IGF2BP3: variants seen among roughly 807,000 people sequenced by gnomAD.
The protein encoded by IGF2BP3 is insulin-like growth factor 2 mRNA-binding protein 3.
A neutral mutation model predicts 73.8 loss-of-function variants in IGF2BP3; 9 were observed. That is an observed-to-expected ratio of 0.12 (90% CI 0.07 to 0.21). IGF2BP3 has a LOEUF of 0.21. Ranked by LOEUF, IGF2BP3 falls within the 10% of genes least tolerant of loss-of-function variation. The pLI, the probability that IGF2BP3 is intolerant of heterozygous loss-of-function variation, is 1.00. For synonymous variants in IGF2BP3, 258 were observed against 256.7 expected, an observed-to-expected ratio of 1.01 and a Z score of -0.05; for missense variants, 542 against 714.0, an observed-to-expected ratio of 0.76 and a Z score of 2.75.
intron 11 of IGF2BP3, 52 bp from the exon 12 acceptor site, chr7:23,317,765 C>T (rs1226138060): frequency 7.1e-7 from 1 of 1,412,458 alleles, no homozygotes; most frequent in Admixed American, 1.7e-5. Context: ...CACTGATAGG[C>T]ATCTTGGGCC....
At chr7:23,415,203 A>G in intron 3 of IGF2BP3, 1 of 234,594 alleles carries the variant, frequency 4.3e-6, no homozygotes, top group Non-Finnish European at 8.5e-6. Context: ...CTGCAACACC[A>G]GGTCCCGTCC....
intron 2 of IGF2BP3, among the ~76,000 whole-genome samples, chr7:23,450,363 A>C (rs1030141476): frequency 6.6e-6 from 1 of 152,228 alleles, no homozygotes; most frequent in African/African-American, 2.4e-5. Flanking sequence ...AAACTTGAGT[A>C]TCTGGCAGAT....
chr7:23,313,997 C>T (rs1777627371), intron 12 of IGF2BP3, among the ~76,000 whole-genome samples: 1 of 152,146 alleles, frequency 6.6e-6, no homozygotes, highest in African/African-American at 2.4e-5. Context: ...ACTTCTCATG[C>T]TGGCCATGAG....
At position 23,342,064 on chromosome 7, in the gene IGF2BP3, C is replaced by T; in HGVS notation, c.1203G>A (p.Glu401=). 6.4e-7 allele frequency: 1 copy of T among 1,568,560 alleles called. No individual in the cohort carries two copies. The highest frequency in any genetic ancestry group is 8.6e-7 in the Non-Finnish European group (1 of 1,164,196). ...AGAAAGCCAAGGCCAGTTATCTTACCTCAAACTGCGGGTAGGGAGGAGTCA... is the reference window on the plus strand; with the variant it reads ...AGAAAGCCAAGGCCAGTTATCTTACTTCAAACTGCGGGTAGGGAGGAGTCA... ...SAMTPPYPQF[E]QSETETVHLF... The change falls in exon 10 of 15, where the codon GAG becomes GAA. Residue 401 remains glutamate (E), a splice_region_variant and synonymous_variant. Transcript: ENST00000258729.
At chr7:23,449,947 G>A (rs1013189048) in intron 2 of IGF2BP3, among the ~76,000 whole-genome samples, 3 of 152,094 alleles carry the variant, frequency 2.0e-5, no homozygotes, top group East Asian at 3.9e-4. Context: ...CACACTTTCA[G>A]GAGGTCCAAG....
chr7:23,411,984 C>CTTTTTT (rs767524257), intron 3 of IGF2BP3, among the ~76,000 whole-genome samples: 18 of 104,828 alleles, frequency 1.7e-4, no homozygotes, highest in Non-Finnish European at 2.6e-4. Flanking sequence ...ACTTATTTCT[C>CTTTTTT]TTTTTTTTTT....
intron 10 of IGF2BP3, among the ~76,000 whole-genome samples, chr7:23,321,821 C>T (rs796815161): frequency 1.3e-5 from 2 of 152,190 alleles, no homozygotes; most frequent in South Asian, 4.1e-4. Flanking sequence ...ACACTGACAC[C>T]TCACAGGGCC....
chr7:23,452,153 C>T (rs55688644), intron 2 of IGF2BP3, among the ~76,000 whole-genome samples: 8 of 151,782 alleles, frequency 5.3e-5, no homozygotes, highest in African/African-American at 1.7e-4. Context: ...TACAGGCGCC[C>T]GCCACCACGC....
At chr7:23,453,763 T>A (rs544217642) in intron 2 of IGF2BP3, among the ~76,000 whole-genome samples, 13 of 152,328 alleles carry the variant, frequency 8.5e-5, no homozygotes, top group Middle Eastern at 3.4e-3. Context: ...ATCTTATTCA[T>A]TTTTCTCCAA....
intron 2 of IGF2BP3, among the ~76,000 whole-genome samples, chr7:23,454,629 C>A (rs192831848): frequency 3.3e-5 from 5 of 152,334 alleles, no homozygotes; most frequent in Admixed American, 3.3e-4. Context: ...AAACAGAAAT[C>A]TCAGAGTTTA....
chr7:23,464,101 C>T (rs1352581120), intron 2 of IGF2BP3, among the ~76,000 whole-genome samples: 2 of 152,204 alleles, frequency 1.3e-5, no homozygotes, highest in Non-Finnish European at 2.9e-5. Flanking sequence ...CTTTTGCTGT[C>T]CTAAGACTTT....
At chr7:23,320,940 T>A in intron 10 of IGF2BP3, among the ~76,000 whole-genome samples, 1 of 114,242 alleles carries the variant, frequency 8.8e-6, no homozygotes. Flanking sequence ...AGAGTGAAAC[T>A]CTGTCTCAAA....
intron 3 of IGF2BP3, among the ~76,000 whole-genome samples, chr7:23,376,026 G>A (rs147859596): frequency 4.5e-4 from 69 of 152,270 alleles, no homozygotes; most frequent in Non-Finnish European, 9.0e-4. Flanking sequence ...CCCATCAATA[G>A]GTGCAGTTAA....
intron 8 of IGF2BP3, among the ~76,000 whole-genome samples, chr7:23,344,527 G>C (rs1047467197): frequency 6.6e-6 from 1 of 152,164 alleles, no homozygotes; most frequent in Non-Finnish European, 1.5e-5. Context: ...AACTCCCTGC[G>C]GGACCTAGGT....
At chr7:23,328,520 T>G (rs1583890567) in intron 10 of IGF2BP3, among the ~76,000 whole-genome samples, 1 of 152,224 alleles carries the variant, frequency 6.6e-6, no homozygotes, top group Admixed American at 6.5e-5. Context: ...AGAAAATATT[T>G]TTAACAAAAA....
rs765538897 is a variant in IGF2BP3 at position 23,351,426 on chromosome 7, C to G, written c.562G>C (p.Val188Leu). Residue 188 changes from valine (V) to leucine (L), a missense_variant, in exon 6 of 15, where the codon GTA (valine) becomes CTA (leucine). Val to Leu is a conservative substitution (Grantham distance 32). Around this residue, in one of 2 missense-constraint regions of IGF2BP3, gnomAD observed 239 missense variants for 241.9 expected, o/e 0.99. Transcript: ENST00000258729. ...GSSRQGSPGS[V>L]SKQKPCDLPL... ...AAATCACATGGTTTCTGCTTGGATA[C>G]GGATCCTGGAGACCCCTGCCTTGAG... 5.6e-6 allele frequency: 9 copies of G among 1,613,276 alleles called. No homozygotes were observed. The highest frequency in any genetic ancestry group is 1.7e-6 in the Non-Finnish European group (2 of 1,179,724).
intron 10 of IGF2BP3, among the ~76,000 whole-genome samples, chr7:23,331,965 G>A (rs1043066324): frequency 3.3e-5 from 5 of 151,994 alleles, no homozygotes; most frequent in Non-Finnish European, 7.4e-5. Context: ...AACAAGGTAC[G>A]TCTTACTTGG....
intron 2 of IGF2BP3, among the ~76,000 whole-genome samples, chr7:23,430,779 C>CT (rs1787654391): frequency 6.6e-6 from 1 of 152,144 alleles, no homozygotes; most frequent in African/African-American, 2.4e-5. Flanking sequence ...TTGGCAGTGT[C>CT]TTATCCTCTA....
At chr7:23,395,957 C>T (rs1475531295) in intron 3 of IGF2BP3, among the ~76,000 whole-genome samples, 2 of 151,588 alleles carry the variant, frequency 1.3e-5, no homozygotes, top group East Asian at 1.9e-4. Flanking sequence ...AAATACAAAC[C>T]TCAATGACCC....
Sources: gnomAD v4.1 joint callset for allele counts (sites outside exome capture counted in the v4.1 genomes callset) on GRCh38, gnomAD v4.1.1 for gene constraint, gnomAD v4.1.1 regional missense constraint, MANE v1.5 for transcripts, NCBI Gene and HGNC (gene_info 2026-07-23, HGNC 2026-07-21) for gene names.